The following TMEM232 variants were observed in gnomAD, a reference collection of about 807,000 sequenced individuals.
The protein encoded by TMEM232 is transmembrane protein 232.
A neutral mutation model predicts 78.8 loss-of-function variants in TMEM232; 80 were observed. That is an observed-to-expected ratio of 1.01 (90% confidence interval 0.85 to 1.22). The LOEUF (loss-of-function observed/expected upper bound fraction) is 1.22. TMEM232 is among the 50% of genes most tolerant of loss of function. The pLI, the probability that TMEM232 is intolerant of heterozygous loss-of-function variation, is 0.00. For synonymous variants in TMEM232, 297 were observed against 254.3 expected (o/e 1.17, Z -1.60); for missense variants, 881 against 742.2 (o/e 1.19, Z -2.17).
chr5:110,390,439 C>G (rs1561450329), exon 4 of TMEM232: 1 of 152,156 alleles, frequency 6.6e-6, no homozygotes, highest in Non-Finnish European at 1.5e-5. Flanking sequence ...CGCAGTCCAG[C>G]CGAAAATCAG....
At chr5:110,597,351 A>C (rs1780299805) in intron 10 of TMEM232, among the ~76,000 whole-genome samples, 4 of 152,276 alleles carry the variant, frequency 2.6e-5, no homozygotes, top group Admixed American at 2.6e-4. Context: ...CCACTGCTCA[A>C]TGAAATAAAA....
intron 12 of TMEM232, among the ~76,000 whole-genome samples, chr5:110,521,512 T>C (rs561890151): frequency 5.8e-4 from 89 of 152,308 alleles, no homozygotes; most frequent in African/African-American, 2.1e-3. Context: ...GGTGTCATAT[T>C]CAAGAAAACA....
rs547368900 is a variant in TMEM232 at position 110,510,856 on chromosome 5, T to C, written c.1703+17732A>G. ...TTTACACTGTTGGTGAGAGTGTAAA[T>C]TAGTTCAACCATTGTAGAAGACAGT... On this transcript the variant is annotated intron_variant, in intron 12 of 13. Coordinates refer to ENST00000455884, the MANE Select transcript of TMEM232 (RefSeq NM_001039763.4). Among the ~76,000 whole-genome samples the C allele has an allele frequency of 3.3e-5, 5 of 152,250 alleles. No individual in the cohort carries two copies. The South Asian group carries it at 1.0e-3, about 32-fold the overall frequency.
chr5:110,527,910 A>T (rs909723260), intron 12 of TMEM232, among the ~76,000 whole-genome samples: 1 of 151,960 alleles, frequency 6.6e-6, no homozygotes, highest in Non-Finnish European at 1.5e-5. Flanking sequence ...TTACTAAGAG[A>T]TCTACAATGT....
chr5:110,726,337 A>G (rs1212816305), intron 1 of TMEM232, among the ~76,000 whole-genome samples: 3 of 148,558 alleles, frequency 2.0e-5, no homozygotes, highest in African/African-American at 7.9e-5. Flanking sequence ...TCATAGCAAT[A>G]AGAAAGTTCC....
chr5:110,473,059 CAAA>C (rs111965771), intron 12 of TMEM232, among the ~76,000 whole-genome samples: 1 of 117,266 alleles, frequency 8.5e-6, no homozygotes, highest in African/African-American at 3.1e-5. Flanking sequence ...GCAACAAATG[CAAA>C]AAAAAAAAAG....
intron 1 of TMEM232, among the ~76,000 whole-genome samples, chr5:110,703,043 T>A (rs1215425252): frequency 3.3e-5 from 5 of 152,032 alleles, no homozygotes. Flanking sequence ...TTACAATTCC[T>A]GGACATCCCA....
chr5:110,474,042 C>A (rs2149381345), intron 12 of TMEM232, among the ~76,000 whole-genome samples: 1 of 151,108 alleles, frequency 6.6e-6, no homozygotes, highest in Admixed American at 6.6e-5. Context: ...AAAGTTACAG[C>A]TAGATAAAAT....
At chr5:110,636,777 T>C (rs1785898714) in intron 5 of TMEM232, among the ~76,000 whole-genome samples, 1 of 152,038 alleles carries the variant, frequency 6.6e-6, no homozygotes, top group South Asian at 2.1e-4. Flanking sequence ...AATAAGTTAA[T>C]GTGTCTAATA....
At chr5:110,434,357 G>C (rs1424770011) in intron 12 of TMEM232, among the ~76,000 whole-genome samples, 4 of 151,436 alleles carry the variant, frequency 2.6e-5, no homozygotes, top group African/African-American at 9.7e-5. Flanking sequence ...ACAGAAACTA[G>C]ATCTAGAGGA....
chr5:110,504,694 G>A (rs1428509693), intron 12 of TMEM232, among the ~76,000 whole-genome samples: 2 of 152,224 alleles, frequency 1.3e-5, no homozygotes, highest in East Asian at 3.9e-4. Context: ...GAGGAGTTCT[G>A]CTTTACTCAC....
At chr5:110,548,099 A>C (rs75712693) in intron 11 of TMEM232, among the ~76,000 whole-genome samples, 2,047 of 151,614 alleles carry the variant, frequency 0.014, 44 homozygotes, top group African/African-American at 0.046. Context: ...GTTTTCCTCG[A>C]GCAGAAGAAA....
chr5:110,653,125 C>A (rs574242081), intron 2 of TMEM232, among the ~76,000 whole-genome samples: 3 of 152,166 alleles, frequency 2.0e-5, no homozygotes, highest in Non-Finnish European at 4.4e-5. Context: ...ATAAATCAGG[C>A]CTGGCCTCAG....
At chr5:110,621,631 A>C (rs987026756) in intron 7 of TMEM232, among the ~76,000 whole-genome samples, 3 of 152,098 alleles carry the variant, frequency 2.0e-5, no homozygotes, top group African/African-American at 7.2e-5. Flanking sequence ...ATAGTTTGAA[A>C]AGCACTGAGC....
At chr5:110,523,051 G>A (rs138136434) in intron 12 of TMEM232, among the ~76,000 whole-genome samples, 1 of 152,130 alleles carries the variant, frequency 6.6e-6, no homozygotes, top group Non-Finnish European at 1.5e-5. Flanking sequence ...TCATCACTGG[G>A]AAGTTTTTTA....
intron 12 of TMEM232, among the ~76,000 whole-genome samples, chr5:110,452,417 G>T (rs1220607182): frequency 6.6e-6 from 1 of 152,058 alleles, no homozygotes; most frequent in Non-Finnish European, 1.5e-5. Flanking sequence ...ATTTCTTTGG[G>T]ATTGATTTTG....
chr5:110,391,443 G>A (rs530213879), intron 3 of TMEM232, among the ~76,000 whole-genome samples: 1 of 151,888 alleles, frequency 6.6e-6, no homozygotes, highest in East Asian at 1.9e-4. Context: ...AAGAACTGAG[G>A]ATAAAATGAG....
chr5:110,711,935 T>C (rs1411999516), intron 1 of TMEM232, among the ~76,000 whole-genome samples: 2 of 151,602 alleles, frequency 1.3e-5, no homozygotes, highest in Non-Finnish European at 2.9e-5. Flanking sequence ...TAAAAACCTG[T>C]CTCTACTAAA....
chr5:110,447,487 A>G (rs1355479395), intron 12 of TMEM232, among the ~76,000 whole-genome samples: 2 of 152,168 alleles, frequency 1.3e-5, no homozygotes, highest in Non-Finnish European at 2.9e-5. Flanking sequence ...AGTCCTATAT[A>G]GAGATCTTTT....
Sources: allele counts gnomAD v4.1 joint callset (sites outside exome capture counted in the v4.1 genomes callset), GRCh38; gene constraint gnomAD v4.1.1; transcripts MANE v1.5; gene names NCBI Gene and HGNC (gene_info 2026-07-23, HGNC 2026-07-21).